The following SGCG variants were observed in gnomAD, a reference collection of about 807,000 sequenced individuals.
SGCG encodes the protein sarcoglycan gamma, also known as gamma-sarcoglycan.
SGCG carries 26 observed loss-of-function variants against 29.3 expected under a neutral mutation model. The ratio of observed to expected loss-of-function variants is 0.89; its 90% CI spans 0.65 to 1.23. The LOEUF (loss-of-function observed/expected upper bound fraction) is 1.23. Ranked by LOEUF, SGCG falls within the 50% of genes most tolerant of loss-of-function variation. The pLI is 0.00. For missense variants in SGCG, 353 were observed against 356.0 expected, an observed-to-expected ratio of 0.99 and a Z score of 0.07; for synonymous variants, 145 against 129.7, an observed-to-expected ratio of 1.12 and a Z score of -0.80.
chr13:23,250,753 G>A, intron 4 of SGCG, 36 bp downstream of exon 4: 1 of 1,200,710 alleles, frequency 8.3e-7, no homozygotes, highest in Non-Finnish European at 1.2e-6. Flanking sequence ...TTGCATGCAT[G>A]TTGTCCATGA....
intron 4 of SGCG, among the ~76,000 whole-genome samples, chr13:23,274,624 G>A (rs1167503288): frequency 4.6e-5 from 7 of 151,890 alleles, no homozygotes; most frequent in Middle Eastern, 3.4e-3. Flanking sequence ...GGGTTTCACC[G>A]TGTTAGCCAG....
At chr13:23,188,453 G>A (rs375434615) in intron 1 of SGCG, among the ~76,000 whole-genome samples, 3 of 147,670 alleles carry the variant, frequency 2.0e-5, no homozygotes, top group African/African-American at 7.5e-5. Context: ...AGTCTCTGGA[G>A]TAGTTGGGAT....
At chr13:23,280,014 C>T (rs957021368) in intron 5 of SGCG, among the ~76,000 whole-genome samples, 1 of 152,146 alleles carries the variant, frequency 6.6e-6, no homozygotes, top group Non-Finnish European at 1.5e-5. Flanking sequence ...AGGTGTGAGC[C>T]ACAACACCCT....
chr13:23,200,413 A>G (rs1444475270), intron 1 of SGCG, among the ~76,000 whole-genome samples: 2 of 152,156 alleles, frequency 1.3e-5, no homozygotes, highest in Non-Finnish European at 2.9e-5. Flanking sequence ...ACAGAGCAAG[A>G]ATCTGTTTCA....
chr13:23,197,128 AT>A (rs145995843), intron 1 of SGCG, among the ~76,000 whole-genome samples: 4 of 150,536 alleles, frequency 2.7e-5, no homozygotes, highest in Non-Finnish European at 4.4e-5. Context: ...TCACTAGCTC[AT>A]TTTTTTTTGT....
intron 6 of SGCG, among the ~76,000 whole-genome samples, chr13:23,298,467 A>G (rs12870978): frequency 0.078 from 11,831 of 152,298 alleles, 604 homozygotes; most frequent in South Asian, 0.13. Flanking sequence ...TTAAATATTC[A>G]TCAAAAGCAA....
chr13:23,255,163 G>T (rs1192724480), intron 4 of SGCG, among the ~76,000 whole-genome samples: 1 of 152,160 alleles, frequency 6.6e-6, no homozygotes, highest in Admixed American at 6.5e-5. Context: ...TGCATCTTGA[G>T]CCTGGAAAAG....
At chr13:23,162,437 C>A in the SGCG span, among the ~76,000 whole-genome samples, 22 of 152,258 alleles carry the variant, frequency 1.4e-4, no homozygotes, top group African/African-American at 4.8e-4. Context: ...CTGGCTAACA[C>A]GGTGAAACCC....
In SGCG at chr13:23,299,434, A is replaced by T. The variant is rs868282117; in HGVS notation, c.578+3947A>T. Among the ~76,000 whole-genome samples, 6 of 7,258 alleles carry T rather than the reference A, an allele frequency of 8.3e-4. 1 individual carries two copies. Among genetic ancestry groups the T allele is most frequent in the Admixed American group, 2.2e-3 (1 of 456 alleles). 4.8% of individuals were successfully genotyped at this position (7,258 alleles called of 152,430 possible). A position where few individuals can be genotyped will look rare whatever the true frequency, so the allele number is the denominator to read the frequency against. ...TATATATATATATATATATATATATATATATATATATATATATATATATTT... is the reference window on the plus strand; with the variant it reads ...TATATATATATATATATATATATATTTATATATATATATATATATATATTT... On this transcript the variant is annotated intron_variant, in intron 6 of 7. Coordinates refer to ENST00000218867, the MANE Select transcript of SGCG (RefSeq NM_000231.3).
intron 1 of SGCG, among the ~76,000 whole-genome samples, chr13:23,193,773 A>G (rs1240340054): frequency 6.6e-6 from 1 of 152,230 alleles, no homozygotes. Flanking sequence ...TTTGGGAACC[A>G]TCAGCCTGTA....
chr13:23,203,325 G>A (rs570503728), intron 1 of SGCG, among the ~76,000 whole-genome samples: 2 of 152,072 alleles, frequency 1.3e-5, no homozygotes, highest in South Asian at 2.1e-4. Flanking sequence ...TGTAGAACTC[G>A]GTAACTTGAT....
chr13:23,314,406 A>ATATATATATATATATATATG lies in SGCG; in HGVS notation c.579-6229_579-6228insTATATATATATATATATGTA, dbSNP rs1566044512. ...GTTATATATATATATATATATATAT[A>ATATATATATATATATATATG]TAATCTTATTCTGTCCCTAATAAGA... On this transcript the variant is annotated intron_variant, in intron 6 of 7. Coordinates refer to ENST00000218867, the MANE Select transcript of SGCG (RefSeq NM_000231.3). 6.4e-5 allele frequency among the ~76,000 whole-genome samples: 9 copies of ATATATATATATATATATATG among 141,634 alleles called. No homozygotes were observed. In the East Asian group the frequency reaches 1.9e-3, roughly 30 times the overall value. 92.9% of individuals were successfully genotyped at this position (141,634 alleles called of 152,430 possible). A position where few individuals can be genotyped will look rare whatever the true frequency, so the allele number is the denominator to read the frequency against.
At chr13:23,276,259 G>C (rs1049786358) in intron 4 of SGCG, among the ~76,000 whole-genome samples, 3 of 151,858 alleles carry the variant, frequency 2.0e-5, no homozygotes, top group Non-Finnish European at 4.4e-5. Context: ...AGAAAGTGCA[G>C]TTGCCTCTGA....
intron 3 of SGCG, among the ~76,000 whole-genome samples, chr13:23,238,669 G>A (rs888429308): frequency 6.6e-6 from 1 of 152,186 alleles, no homozygotes; most frequent in Non-Finnish European, 1.5e-5. Flanking sequence ...TCCCAGAACA[G>A]AGTTCTAAAA....
upstream of SGCG, among the ~76,000 whole-genome samples, chr13:23,178,338 TGAGG>T (rs1159980111): frequency 2.0e-5 from 3 of 152,042 alleles, no homozygotes; most frequent in African/African-American, 7.2e-5. Context: ...GACTGGTGAG[TGAGG>T]GAGAGCCCTA....
chr13:23,208,130 T>C (rs1415130427), intron 2 of SGCG, among the ~76,000 whole-genome samples: 1 of 152,146 alleles, frequency 6.6e-6, no homozygotes. Context: ...ATCTGCATAG[T>C]TTTGAACTTG....
chr13:23,269,883 G>A (rs9552901), intron 4 of SGCG, among the ~76,000 whole-genome samples: 1 of 117,002 alleles, frequency 8.5e-6, no homozygotes, highest in Admixed American at 9.0e-5. Context: ...TGTTTTTTTT[G>A]TTTTTTTTTG....
At chr13:23,314,382 T>TTTTATATATATATATATA (rs1240016735) in intron 6 of SGCG, among the ~76,000 whole-genome samples, 1,914 of 78,130 alleles carry the variant, frequency 0.024, 41 homozygotes, top group South Asian at 0.03. Context: ...CTGCTATAGG[T>TTTTATATATATATATATA]TATATATATA....
intron 7 of SGCG, among the ~76,000 whole-genome samples, chr13:23,322,768 ACCT>A (rs1883092199): frequency 3.0e-5 from 1 of 33,462 alleles, no homozygotes; most frequent in Non-Finnish European, 5.5e-5. Context: ...CCACCCATCC[ACCT>A]CCCCCCCCCC....
Sources: allele counts gnomAD v4.1 joint callset (sites outside exome capture counted in the v4.1 genomes callset), GRCh38; gene constraint gnomAD v4.1.1; transcripts MANE v1.5; gene names NCBI Gene and HGNC (gene_info 2026-07-23, HGNC 2026-07-21).